The following CACNA2D3 variants were observed in gnomAD, a reference collection of about 807,000 sequenced individuals.
The protein encoded by CACNA2D3 is calcium voltage-gated channel auxiliary subunit alpha2delta 3, also known as voltage-dependent calcium channel subunit alpha-2/delta-3.
CACNA2D3 carries 60 observed loss-of-function variants against 160.6 expected under a neutral mutation model. The ratio of observed to expected loss-of-function variants is 0.37; its 90% CI spans 0.30 to 0.46. The LOEUF (loss-of-function observed/expected upper bound fraction) is 0.46. Ranked by LOEUF, CACNA2D3 falls within the 20% of genes least tolerant of loss-of-function variation. The pLI is 1.00. For synonymous variants in CACNA2D3, 558 were observed against 492.9 expected (o/e 1.13, Z -1.75); for missense variants, 1,205 against 1,365.0 (o/e 0.88, Z 1.85).
intron 2 of CACNA2D3, among the ~76,000 whole-genome samples, chr3:54,181,496 T>G (rs1700781688): frequency 6.6e-6 from 1 of 152,200 alleles, no homozygotes; most frequent in Non-Finnish European, 1.5e-5. Context: ...TTTAAGTAAT[T>G]CCAAATATAT....
chr3:54,405,682 A>G (rs2106713477), intron 4 of CACNA2D3, among the ~76,000 whole-genome samples: 1 of 152,302 alleles, frequency 6.6e-6, no homozygotes, highest in Middle Eastern at 3.4e-3. Context: ...ATGTCACACC[A>G]AAAGCTCAGG....
At chr3:54,825,060 T>G (rs1239925635) in intron 14 of CACNA2D3, among the ~76,000 whole-genome samples, 1 of 152,200 alleles carries the variant, frequency 6.6e-6, no homozygotes, top group Non-Finnish European at 1.5e-5. Context: ...CTGTTTTCTA[T>G]TTATTTAAAT....
At chr3:54,840,805 C>T (rs560422191) in intron 16 of CACNA2D3, among the ~76,000 whole-genome samples, 19 of 148,756 alleles carry the variant, frequency 1.3e-4, no homozygotes, top group Non-Finnish European at 2.5e-4. Context: ...TCACCGCAAG[C>T]TCCACCTCCT....
At chr3:54,700,889 G>A (rs1700756175) in intron 11 of CACNA2D3, among the ~76,000 whole-genome samples, 1 of 152,108 alleles carries the variant, frequency 6.6e-6, no homozygotes. Flanking sequence ...AAAAAACGAA[G>A]ACCTAACACC....
chr3:54,789,970 T>C (rs533798669), intron 13 of CACNA2D3: 93 of 423,010 alleles, frequency 2.2e-4, no homozygotes, highest in African/African-American at 1.8e-3. Flanking sequence ...TATGGAGCTA[T>C]TCGAGAAAGA....
intron 31 of CACNA2D3, among the ~76,000 whole-genome samples, chr3:54,998,127 CT>C (rs752805359): frequency 0.042 from 5,275 of 126,900 alleles, 230 homozygotes; most frequent in African/African-American, 0.14. Context: ...TCAATTAATT[CT>C]TTTTTTTTTT....
At chr3:54,327,441 G>C (rs1251953339) in intron 3 of CACNA2D3, among the ~76,000 whole-genome samples, 1 of 152,200 alleles carries the variant, frequency 6.6e-6, no homozygotes, top group African/African-American at 2.4e-5. Flanking sequence ...GTGTTGGCCT[G>C]TAGAAAGCAT....
rs537660978 is a variant in CACNA2D3, at chr3:54,346,355, G to A, written c.321+25797G>A. Among the ~76,000 whole-genome samples the A allele has an allele frequency of 1.3e-4, 20 of 152,264 alleles. No homozygotes were observed. In the East Asian group the frequency reaches 2.1e-3, roughly 16 times the overall value. On this transcript the variant is annotated intron_variant, in intron 3 of 37. Transcript: ENST00000474759. ...GGCTGTTGGAGTAGCCAGCATCCAC[G>A]AGAATGACATGGAATTGATTTCTCC...
chr3:54,695,023 T>G (rs1344242407), intron 11 of CACNA2D3, among the ~76,000 whole-genome samples: 1 of 152,126 alleles, frequency 6.6e-6, no homozygotes, highest in East Asian at 1.9e-4. Context: ...TGTCATAAAA[T>G]ATTTTTTTTT....
At chr3:54,750,839 G>A (rs946527587) in intron 11 of CACNA2D3, among the ~76,000 whole-genome samples, 2 of 151,164 alleles carry the variant, frequency 1.3e-5, no homozygotes, top group Non-Finnish European at 2.9e-5. Flanking sequence ...GCGCAAACTC[G>A]GCTCACTGCA....
intron 2 of CACNA2D3, among the ~76,000 whole-genome samples, chr3:54,307,703 A>G (rs1451585924): frequency 2.0e-5 from 3 of 152,188 alleles, no homozygotes; most frequent in Non-Finnish European, 4.4e-5. Flanking sequence ...CCCTGTAACT[A>G]CAGAAACCAC....
intron 9 of CACNA2D3, among the ~76,000 whole-genome samples, chr3:54,583,109 C>T (rs919125950): frequency 6.6e-6 from 1 of 152,052 alleles, no homozygotes; most frequent in Non-Finnish European, 1.5e-5. Context: ...CGTTGTTTGG[C>T]CATTGTGTAA....
At chr3:54,862,681 G>A (rs1456587357) in intron 17 of CACNA2D3, among the ~76,000 whole-genome samples, 1 of 152,146 alleles carries the variant, frequency 6.6e-6, no homozygotes, top group African/African-American at 2.4e-5. Flanking sequence ...ACTAAGTTAA[G>A]GAGAGGCATT....
chr3:54,645,949 C>A (rs931903094), intron 11 of CACNA2D3, among the ~76,000 whole-genome samples: 1 of 151,950 alleles, frequency 6.6e-6, no homozygotes, highest in African/African-American at 2.4e-5. Context: ...AGCCCTTCCC[C>A]CTAGTGTTTA....
intron 9 of CACNA2D3, among the ~76,000 whole-genome samples, chr3:54,595,319 T>TGG (rs1559521708): frequency 4.6e-5 from 6 of 129,056 alleles, no homozygotes; most frequent in African/African-American, 1.7e-4. Context: ...GTGTGGTGTG[T>TGG]GTGTGTGTGT....
At chr3:55,023,222 G>A (rs358045) in intron 35 of CACNA2D3, among the ~76,000 whole-genome samples, 1 of 151,812 alleles carries the variant, frequency 6.6e-6, no homozygotes, top group Non-Finnish European at 1.5e-5. Flanking sequence ...CCCCCGTTTC[G>A]GATGGCTTTT....
At chr3:54,892,042 T>G (rs889521988) in intron 25 of CACNA2D3, among the ~76,000 whole-genome samples, 3 of 152,156 alleles carry the variant, frequency 2.0e-5, no homozygotes, top group Admixed American at 2.0e-4. Context: ...AGTACCCAGA[T>G]GCTAAGCCCC....
chr3:54,653,161 C>G (rs529277463), intron 11 of CACNA2D3, among the ~76,000 whole-genome samples: 33 of 152,106 alleles, frequency 2.2e-4, no homozygotes, highest in African/African-American at 7.7e-4. Context: ...GGGAATTGTC[C>G]TAGGAGACAT....
chr3:54,653,184 C>T (rs1224960623), intron 11 of CACNA2D3, among the ~76,000 whole-genome samples: 1 of 152,160 alleles, frequency 6.6e-6, no homozygotes, highest in Non-Finnish European at 1.5e-5. Flanking sequence ...ACTTGGGCTG[C>T]ATGTACCGAT....
Sources: gnomAD v4.1 joint callset for allele counts (sites outside exome capture counted in the v4.1 genomes callset) on GRCh38, gnomAD v4.1.1 for gene constraint, MANE v1.5 for transcripts, NCBI Gene and HGNC (gene_info 2026-07-23, HGNC 2026-07-21) for gene names.